PKHD1: variants seen among roughly 807,000 people sequenced by gnomAD.
PKHD1 encodes PKHD1 ciliary IPT domain containing fibrocystin/polyductin, also known as fibrocystin.
A neutral mutation model predicts 412.0 loss-of-function variants in PKHD1; 291 were observed. The observed-to-expected ratio is 0.71, with a 90% CI of 0.64 to 0.78. PKHD1 has a LOEUF of 0.78. Among genes scored for constraint, PKHD1 ranks in the 30% least tolerant of loss-of-function variants. PKHD1 has a pLI of 0.00. For synonymous variants in PKHD1, 1,777 were observed against 1,821.5 expected (o/e 0.98, Z 0.62); for missense variants, 4,825 against 4,950.7 (o/e 0.97, Z 0.76).
chr6:51,982,202 C>CT (rs1795481936), intron 35 of PKHD1, among the ~76,000 whole-genome samples: 1 of 31,718 alleles, frequency 3.2e-5, no homozygotes, highest in East Asian at 7.0e-4. Context: ...GTCAGCCCCC[C>CT]GCCCGGCCAG....
At chr6:51,889,702 C>T (rs1778811142) in intron 43 of PKHD1, among the ~76,000 whole-genome samples, 1 of 152,124 alleles carries the variant, frequency 6.6e-6, no homozygotes, top group Admixed American at 6.5e-5. Flanking sequence ...GATAGGTCTG[C>T]TGCAGGTGAT....
intron 15 of PKHD1, 109 bp downstream of exon 15, chr6:52,059,819 G>A: frequency 1.4e-6 from 1 of 714,400 alleles, no homozygotes; most frequent in Non-Finnish European, 2.6e-6. Context: ...ATCATCCAAT[G>A]GCATGTTAAA....
intron 60 of PKHD1, chr6:51,721,878 A>C: frequency 6.3e-7 from 1 of 1,580,680 alleles, no homozygotes; most frequent in South Asian, 1.1e-5. Context: ...CAATTGAAAC[A>C]GTGTCTTAAC....
chr6:52,037,762 GA>G (rs1211972115), intron 27 of PKHD1, among the ~76,000 whole-genome samples: 4 of 152,204 alleles, frequency 2.6e-5, no homozygotes, highest in Non-Finnish European at 5.9e-5. Context: ...AACCTCTAAA[GA>G]GAATCTTTTG....
intron 5 of PKHD1, 36 bp from the exon 6 acceptor site, chr6:52,076,369 T>C (rs1418728766): frequency 1.3e-6 from 2 of 1,533,518 alleles, no homozygotes; most frequent in Admixed American, 1.7e-5. Flanking sequence ...GAGCATGTCA[T>C]TAAAATATTC....
chr6:51,835,092 T>C (rs1038891998), intron 51 of PKHD1, among the ~76,000 whole-genome samples: 21 of 152,200 alleles, frequency 1.4e-4, no homozygotes, highest in African/African-American at 4.3e-4. Context: ...GCAGTTGTAA[T>C]TGACAGTTGT....
rs753278770 is a variant in PKHD1, at chr6:51,867,932, C to A, written c.7664G>T (p.Ser2555Ile). ...TLSASCLVNS[S>I]FGRVVHGSAC... ...ACTGCCATGGACAACCCGACCAAAGCTTGAATTGACCAAACAAGAAGCTGA... is the reference window on the plus strand; with the variant it reads ...ACTGCCATGGACAACCCGACCAAAGATTGAATTGACCAAACAAGAAGCTGA... Residue 2555 changes from serine (S) to isoleucine (I), a missense_variant, in exon 48 of 67, where the codon AGC becomes ATC. Physicochemically the swap from Ser to Ile is moderately radical, Grantham distance 142 (BLOSUM62 -2). Coordinates refer to ENST00000371117, the MANE Select transcript of PKHD1 (RefSeq NM_138694.4). 2 of 1,613,298 alleles carry A rather than the reference C, an allele frequency of 1.2e-6. No homozygotes were observed. Among genetic ancestry groups the A allele is most frequent in the Non-Finnish European group, 1.7e-6 (2 of 1,179,370 alleles).
Position 51,887,147 on chromosome 6 carries a change from T to A in PKHD1, c.7095A>T (p.Ala2365=), listed in dbSNP as rs1778339251. 6.2e-7 allele frequency: 1 copy of A among 1,606,290 alleles called. No individual in the cohort carries two copies. Among genetic ancestry groups the A allele is most frequent in the East Asian group, 2.2e-5 (1 of 44,832 alleles). Residue 2365 remains alanine, a synonymous_variant, in exon 44 of 67, where the codon GCA becomes GCT. Transcript: ENST00000371117. ...CCCAAAGTTACCTGGTACAAGAATG[T>A]GCAATGTTCTGAGTGAAGGAAAGAA... ...APLLSFTQNI[A]HSCTRYGLFV... is the part of the protein sequence containing the mutation.
chr6:51,850,674 T>G (rs1026680325), intron 49 of PKHD1, among the ~76,000 whole-genome samples: 2 of 152,210 alleles, frequency 1.3e-5, no homozygotes, highest in Non-Finnish European at 2.9e-5. Context: ...AGGAGTTCAT[T>G]CATGATTTGG....
intron 34 of PKHD1, among the ~76,000 whole-genome samples, chr6:52,016,232 A>T (rs985116802): frequency 1.3e-5 from 2 of 152,158 alleles, no homozygotes; most frequent in Admixed American, 6.5e-5. Context: ...TCTGGTGCCA[A>T]ATTCACACTA....
chr6:51,984,170 G>A (rs1031737755), intron 35 of PKHD1, among the ~76,000 whole-genome samples: 5 of 152,170 alleles, frequency 3.3e-5, no homozygotes, highest in African/African-American at 7.2e-5. Flanking sequence ...ATAAAAACAC[G>A]TATTCTTTAT....
chr6:51,837,027 C>A (rs1469429064), intron 50 of PKHD1, among the ~76,000 whole-genome samples: 1 of 152,082 alleles, frequency 6.6e-6, no homozygotes, highest in East Asian at 1.9e-4. Flanking sequence ...TGGAAATAAT[C>A]AAAAGGCCTG....
chr6:51,849,374 C>T (rs145721749), intron 49 of PKHD1, among the ~76,000 whole-genome samples: 10 of 152,254 alleles, frequency 6.6e-5, no homozygotes, highest in African/African-American at 1.9e-4. Flanking sequence ...TGTGTCTTTA[C>T]AGTAGAATAA....
rs775838157 is a variant in PKHD1 at position 51,744,527 on chromosome 6, T to G, written c.10014A>C (p.Lys3338Asn). ...PSLQPRKDLGKVVCPELDCAS... is the reference protein window; with the variant it reads ...PSLQPRKDLGNVVCPELDCAS... ...CACAGTCTAATTCAGGACAGACTAC[T>G]TTTCCTAAATCTTTCCTGTGAAGAC... Residue 3338 changes from lysine (K) to asparagine (N), a missense_variant, in exon 60 of 67, where the codon AAA (lysine) becomes AAC (asparagine). Lys to Asn is a moderately conservative substitution (Grantham distance 94, BLOSUM62 0). Coordinates refer to ENST00000371117, the MANE Select transcript of PKHD1 (RefSeq NM_138694.4). 6.2e-7 allele frequency: 1 copy of G among 1,612,916 alleles called. No homozygotes were observed. The highest frequency in any genetic ancestry group is 1.3e-5 in the African/African-American group (1 of 74,900).
At chr6:51,806,695 GTT>G (rs34943514) in intron 52 of PKHD1, among the ~76,000 whole-genome samples, 1 of 151,514 alleles carries the variant, frequency 6.6e-6, no homozygotes, top group African/African-American at 2.4e-5. Context: ...ATAGATGAGG[GTT>G]TTTTTTTAAT....
chr6:51,799,511 T>G (rs1365966005), intron 52 of PKHD1, among the ~76,000 whole-genome samples: 1 of 152,244 alleles, frequency 6.6e-6, no homozygotes, highest in African/African-American at 2.4e-5. Flanking sequence ...TATTCCCAGC[T>G]GCTTCAAACT....
Position 52,046,183 on chromosome 6 carries a change from G to C in PKHD1, c.2413C>G (p.Pro805Ala), listed in dbSNP as rs1581929566. The change falls in exon 24 of 67, where the codon CCT (proline) becomes GCT (alanine). Residue 805 changes from proline to alanine, a missense_variant. By Grantham distance (27) the Pro-to-Ala change is conservative. Coordinates refer to ENST00000371117, the MANE Select transcript of PKHD1 (RefSeq NM_138694.4). The part of the protein sequence containing the change: ...QLPNTVISDV[P>A]VQISAHHLHQ... ...AGGTGATGAGCAGAAATTTGTACAG[G>C]GACATCTGTGAGAGAAGGTTTTGAT... 1 of 1,610,634 alleles carries C rather than the reference G, an allele frequency of 6.2e-7. No homozygotes were observed. Among genetic ancestry groups the C allele is most frequent in the Non-Finnish European group, 8.5e-7 (1 of 1,176,894 alleles).
Position 51,960,057 on chromosome 6 carries a change from G to GGTTGGTTGGTTGGCTGGTCTGTTGCTTC in PKHD1, c.5752-59_5752-32dup, listed in dbSNP as rs1561991344. The GGTTGGTTGGTTGGCTGGTCTGTTGCTTC allele has an allele frequency of 1.9e-6, 3 of 1,610,960 alleles. No individual in the cohort carries two copies. In the African/African-American group the frequency reaches 4.0e-5, roughly 22 times the overall value. On this transcript the variant is annotated intron_variant, in intron 35 of 66. Coordinates refer to ENST00000371117, the MANE Select transcript of PKHD1 (RefSeq NM_138694.4). ...AAACAGAGAGCTGGGTTGGTGGGTTGGTTGGTTGGTTGGCTGGTCTGTTGC... is the reference window on the plus strand; with the variant it reads ...AAACAGAGAGCTGGGTTGGTGGGTTGGTTGGTTGGTTGGCTGGTCTGTTGCTTCGTTGGTTGGTTGGCTGGTCTGTTGC...
intron 7 of PKHD1, among the ~76,000 whole-genome samples, 160 bp downstream of exon 7, chr6:52,073,303 G>A (rs1810893051): frequency 6.6e-6 from 1 of 152,152 alleles, no homozygotes; most frequent in Non-Finnish European, 1.5e-5. Context: ...CATTAACAAA[G>A]TTTGCTGAAG....
Sources: allele counts gnomAD v4.1 joint callset (sites outside exome capture counted in the v4.1 genomes callset), GRCh38; gene constraint gnomAD v4.1.1; transcripts MANE v1.5; gene names NCBI Gene and HGNC (gene_info 2026-07-23, HGNC 2026-07-21).